Variants in PCDHGC4 observed in about 807,000 individuals in gnomAD.
PCDHGC4 encodes protocadherin gamma subfamily C, 4, also known as protocadherin gamma-C4.
Under a neutral mutation model 59.7 loss-of-function variants are expected in PCDHGC4, and 15 were observed. The observed-to-expected ratio is 0.25, with a 90% CI of 0.17 to 0.39. The LOEUF is 0.39. Among genes scored for constraint, PCDHGC4 ranks in the 10% least tolerant of loss-of-function variants. The pLI is 1.00. For missense variants in PCDHGC4, 1,016 were observed against 1,189.5 expected, an observed-to-expected ratio of 0.85 and a Z score of 2.15; for synonymous variants, 434 against 481.4, an observed-to-expected ratio of 0.90 and a Z score of 1.29.
In PCDHGC4 at chr5:141,491,652, G is replaced by A. The variant is rs370043428; in HGVS notation, c.2443-3155G>A. ...AGCAGCCCACAGCTCTGGCGCTGGAGCCTGACGCCATCCGGTCCCGCTCTA... is the reference window on the plus strand; with the variant it reads ...AGCAGCCCACAGCTCTGGCGCTGGAACCTGACGCCATCCGGTCCCGCTCTA... On this transcript the variant is annotated intron_variant, in intron 1 of 3. Transcript: ENST00000306593. This position sits in a 1 kb window ranked among gnomAD's most constrained non-coding sequence, Gnocchi z 6.9. 2 of 1,613,726 alleles carry A rather than the reference G, an allele frequency of 1.2e-6. No homozygotes were observed. Among genetic ancestry groups the A allele is most frequent in the African/African-American group, 1.3e-5 (1 of 74,944 alleles).
chr5:141,494,736 T>A, intron 1 of PCDHGC4, 71 bp from the exon 2 acceptor site: 2 of 1,611,858 alleles, frequency 1.2e-6, no homozygotes, highest in Non-Finnish European at 1.7e-6. Flanking sequence ...TCCCGGCCCA[T>A]CCCTAGGGGC....
intron 2 of PCDHGC4, among the ~76,000 whole-genome samples, chr5:141,504,506 A>T (rs575756846): frequency 1.3e-5 from 2 of 152,096 alleles, no homozygotes; most frequent in African/African-American, 4.8e-5. Context: ...GTCTGAGTGG[A>T]TCTCCTCTGA....
chr5:141,490,906 G>A lies in PCDHGC4; in HGVS notation c.2442+3291G>A, dbSNP rs2099705910. 1 of 1,613,798 alleles carries A rather than the reference G, an allele frequency of 6.2e-7. No individual in the cohort carries two copies. Among genetic ancestry groups the A allele is most frequent in the Non-Finnish European group, 8.5e-7 (1 of 1,179,808 alleles). ...CACATCTCTGCATGTGTTTGTCCTA[G>A]ACGAGAATGATAATGCCCCAGCTGT... On this transcript the variant is annotated intron_variant, in intron 1 of 3. Coordinates refer to ENST00000306593, the MANE Select transcript of PCDHGC4 (RefSeq NM_018928.3). The surrounding 1 kb of genome is among the most constrained non-coding windows in gnomAD (Gnocchi z 5.4).
chr5:141,511,728 A>C lies in PCDHGC4; in HGVS notation c.*555A>C, dbSNP rs904031366. 2.2e-5 allele frequency: 4 copies of C among 177,940 alleles called. No homozygotes were observed. The highest frequency in any genetic ancestry group is 7.0e-5 in the African/African-American group (3 of 42,626). 11.0% of individuals were successfully genotyped at this position (177,940 alleles called of 1,614,324 possible). ...TCACCTCCTTCCAGAGCCCAAGATC[A>C]ATGCTCAAGTTTTGGAGGACATGAT... On this transcript the variant is annotated 3_prime_UTR_variant, in exon 4 of 4. Coordinates refer to ENST00000306593, the MANE Select transcript of PCDHGC4 (RefSeq NM_018928.3).
chr5:141,503,307 G>T (rs1042228003), intron 2 of PCDHGC4, among the ~76,000 whole-genome samples: 5 of 152,096 alleles, frequency 3.3e-5, no homozygotes, highest in African/African-American at 1.2e-4. Context: ...GCTCAAGAAA[G>T]AATTGTTGGA....
At position 141,510,973 on chromosome 5, in the gene PCDHGC4, G is replaced by A. The variant is rs1448442252; in HGVS notation, c.2617G>A (p.Gly873Arg). 2 of 1,614,042 alleles carry A rather than the reference G, an allele frequency of 1.2e-6. No individual in the cohort carries two copies. Among genetic ancestry groups the A allele is most frequent in the East Asian group, 2.2e-5 (1 of 44,894 alleles). ...AGCTGCTGATGGGAGCTCCACCCTG[G>A]GAGGGGGTGCCGGCACCATGGGATT... ...SEAADGSSTL[G>R]GGAGTMGLSA... Residue 873 changes from glycine (G) to arginine (R), a missense_variant, in exon 4 of 4, where the codon GGA (glycine) becomes AGA (arginine). Gly to Arg is a moderately radical substitution (Grantham distance 125). Transcript: ENST00000306593.
In PCDHGC4 at chr5:141,494,886, C is replaced by T. The variant is rs1212594477; in HGVS notation, c.2501+21C>T. ...AGCGGGTAGGTGACTGATTCTCCAG[C>T]CCACCCTCTTCTCTGCGGCATTTTC... On this transcript the variant is annotated intron_variant, in intron 2 of 3. Coordinates refer to ENST00000306593, the MANE Select transcript of PCDHGC4 (RefSeq NM_018928.3). 8 of 1,614,010 alleles carry T rather than the reference C, an allele frequency of 5.0e-6. No homozygotes were observed. The Admixed American group carries it at 8.3e-5, about 17-fold the overall frequency.
intron 2 of PCDHGC4, among the ~76,000 whole-genome samples, chr5:141,503,202 C>G (rs1562210201): frequency 6.6e-6 from 1 of 152,090 alleles, no homozygotes; most frequent in East Asian, 1.9e-4. Context: ...ATCAGCCTCT[C>G]AGTGCCCACC....
Position 141,491,420 on chromosome 5 carries a change from G to A in PCDHGC4, c.2443-3387G>A, listed in dbSNP as rs2099713954. 1.2e-6 allele frequency: 2 copies of A among 1,614,004 alleles called. No homozygotes were observed. The highest frequency in any genetic ancestry group is 2.2e-5 in the South Asian group (2 of 91,090). On this transcript the variant is annotated intron_variant, in intron 1 of 3. Transcript: ENST00000306593. This position sits in a 1 kb window ranked among gnomAD's most constrained non-coding sequence, Gnocchi z 6.9. ...GGAAACGCAGACGGGGACGGGGGTG[G>A]AGGGCAGTGCTGCAGGCGCCAGGAC...
In PCDHGC4 at chr5:141,487,579, A is replaced by G. The variant is rs779441421; in HGVS notation, c.2406A>G (p.Pro802=). 60 of 1,614,022 alleles carry G rather than the reference A, an allele frequency of 3.7e-5. No homozygotes were observed. The South Asian group carries it at 6.0e-4, about 16-fold the overall frequency. The stretch of plus-strand genomic sequence containing the variant: ...CTATGGCAGGGGAGCCTGTTCGCCC[A>G]AGCTGCCCACCCTCTGATCTTCTCT... ...SAPMAGEPVR[P]SCPPSDLLYG... Residue 802 remains proline, a synonymous_variant, in exon 1 of 4, where the codon CCA becomes CCG. Transcript: ENST00000306593. This position sits in a 1 kb window ranked among gnomAD's most constrained non-coding sequence, Gnocchi z 5.0.
Position 141,486,929 on chromosome 5 carries a change from G to A in PCDHGC4, c.1756G>A (p.Ala586Thr). 2.5e-6 allele frequency: 4 copies of A among 1,614,226 alleles called. No individual in the cohort carries two copies. Among genetic ancestry groups the A allele is most frequent in the Non-Finnish European group, 2.5e-6 (3 of 1,180,038 alleles). ...CPQALPPSVG[A>T]GHLITKVTAV... ...CCAAGCACTGCCTCCATCAGTTGGT[G>A]CTGGCCACCTAATCACAAAGGTGAC... The change falls in exon 1 of 4, where the codon GCT becomes ACT. Residue 586 changes from alanine to threonine, a missense_variant. Transcript: ENST00000306593. This position sits in a 1 kb window ranked among gnomAD's most constrained non-coding sequence, Gnocchi z 5.0.
chr5:141,495,702 T>C (rs1462896403), intron 2 of PCDHGC4, among the ~76,000 whole-genome samples: 3 of 152,212 alleles, frequency 2.0e-5, no homozygotes, highest in Non-Finnish European at 4.4e-5. Context: ...TCAATAAATG[T>C]GGAGTGAGTA....
chr5:141,489,597 A>T lies in PCDHGC4; in HGVS notation c.2442+1982A>T. The T allele has an allele frequency of 6.2e-7, 1 of 1,614,100 alleles. No individual in the cohort carries two copies. Among genetic ancestry groups the T allele is most frequent in the African/African-American group, 1.3e-5 (1 of 75,040 alleles). ...AACACCCCCTGGAGCTAATCCGTGT[A>T]GAGGTAGAGATCCTGGATCTCAATG... On this transcript the variant is annotated intron_variant, in intron 1 of 3. Transcript: ENST00000306593. The surrounding 1 kb of genome is among the most constrained non-coding windows in gnomAD (Gnocchi z 4.5).
At chr5:141,499,057 A>G (rs1361057448) in intron 2 of PCDHGC4, among the ~76,000 whole-genome samples, 1 of 152,036 alleles carries the variant, frequency 6.6e-6, no homozygotes, top group Non-Finnish European at 1.5e-5. Flanking sequence ...GAAAAAATGA[A>G]GAAGACTTAC....
rs1227487225 is a variant in PCDHGC4, at chr5:141,491,275, G to C, written c.2443-3532G>C. The C allele has an allele frequency of 2.5e-6, 4 of 1,614,082 alleles. 1 individual carries two copies. In the South Asian group the frequency reaches 4.4e-5, roughly 18 times the overall value. On this transcript the variant is annotated intron_variant, in intron 1 of 3. Transcript: ENST00000306593. This position sits in a 1 kb window ranked among gnomAD's most constrained non-coding sequence, Gnocchi z 6.9. Reference sequence around the variant, plus strand: ...CCCTGAGGAAATGCCCAAATCCAGTGACTTCCTCATACACCCTCCTGAGCG... The same window carrying C: ...CCCTGAGGAAATGCCCAAATCCAGTCACTTCCTCATACACCCTCCTGAGCG...
chr5:141,496,160 G>C (rs1428576442), intron 2 of PCDHGC4, among the ~76,000 whole-genome samples: 2 of 151,600 alleles, frequency 1.3e-5, no homozygotes, highest in Admixed American at 6.6e-5. Flanking sequence ...CTCTCCACCA[G>C]ACACCCTCCC....
At chr5:141,501,312 C>T (rs2099807672) in intron 2 of PCDHGC4, among the ~76,000 whole-genome samples, 1 of 151,778 alleles carries the variant, frequency 6.6e-6, no homozygotes, top group South Asian at 2.1e-4. Context: ...CACACACACA[C>T]ACACACACAC....
In PCDHGC4 at chr5:141,487,694, AC is replaced by A. The variant is rs1296386169; in HGVS notation, c.2442+80del. On this transcript the variant is annotated intron_variant, in intron 1 of 3. Coordinates refer to ENST00000306593, the MANE Select transcript of PCDHGC4 (RefSeq NM_018928.3). The surrounding 1 kb of genome is among the most constrained non-coding windows in gnomAD (Gnocchi z 5.0). ...ATGGCTAGGCCATGTCCTAGAGAGT[AC>A]TGGCCTCTCAGTAAGTGCCCATAGT... is the stretch of plus-strand genomic sequence containing the variant. The A allele has an allele frequency of 6.2e-7, 1 of 1,602,048 alleles. No individual in the cohort carries two copies. The highest frequency in any genetic ancestry group is 2.2e-5 in the East Asian group (1 of 44,642).
chr5:141,495,323 G>C (rs1029646773), intron 2 of PCDHGC4, among the ~76,000 whole-genome samples: 2 of 152,214 alleles, frequency 1.3e-5, no homozygotes, highest in African/African-American at 4.8e-5. Context: ...AGCCGAGGCT[G>C]ACTGCAGCCT....
Sources: allele counts gnomAD v4.1 joint callset (sites outside exome capture counted in the v4.1 genomes callset), GRCh38; gene constraint gnomAD v4.1.1; non-coding constraint Gnocchi (gnomAD v3.1); transcripts MANE v1.5; gene names NCBI Gene and HGNC (gene_info 2026-07-23, HGNC 2026-07-21).